Variants in TMEM163 observed in about 807,000 individuals in gnomAD.
TMEM163 encodes transmembrane protein 163.
TMEM163 carries 17 observed loss-of-function variants against 29.3 expected under a neutral mutation model. The ratio of observed to expected loss-of-function variants is 0.58; its 90% CI spans 0.40 to 0.87. The LOEUF (loss-of-function observed/expected upper bound fraction) is 0.87, where lower values mean the gene tolerates loss of function less well. Among genes scored for constraint, TMEM163 ranks in the 40% least tolerant of loss-of-function variants. The probability of loss-of-function intolerance (pLI) is 0.00; values close to 1 mark genes in which losing one functional copy is unlikely to be tolerated. For missense variants in TMEM163, 303 were observed against 381.5 expected (o/e 0.79, Z 1.71); for synonymous variants, 157 against 160.6 (o/e 0.98, Z 0.17).
intron 5 of TMEM163, among the ~76,000 whole-genome samples, chr2:134,483,823 T>C (rs1679256981): frequency 1.3e-5 from 2 of 152,146 alleles, no homozygotes; most frequent in Non-Finnish European, 2.9e-5. Flanking sequence ...AAATGGTAGA[T>C]CAGAGAAAAC....
At chr2:134,612,771 C>A (rs1471813070) in intron 2 of TMEM163, among the ~76,000 whole-genome samples, 1 of 152,150 alleles carries the variant, frequency 6.6e-6, no homozygotes, top group Non-Finnish European at 1.5e-5. Flanking sequence ...TCAGCAACAA[C>A]AACAAATCTT....
At chr2:134,587,075 A>G (rs1009050104) in intron 2 of TMEM163, among the ~76,000 whole-genome samples, 2 of 151,670 alleles carry the variant, frequency 1.3e-5, no homozygotes, top group Non-Finnish European at 2.9e-5. Context: ...CCTGAAAAAA[A>G]AATGGCTTAA....
At chr2:134,716,216 G>C (rs1281949951) in intron 1 of TMEM163, among the ~76,000 whole-genome samples, 2 of 152,150 alleles carry the variant, frequency 1.3e-5, no homozygotes, top group Non-Finnish European at 2.9e-5. Flanking sequence ...GTATTCAAAG[G>C]GGATGGGAAG....
intron 6 of TMEM163, chr2:134,458,685 C>T (rs1686457379): frequency 6.4e-6 from 1 of 156,506 alleles, no homozygotes; most frequent in African/African-American, 2.4e-5. Context: ...GATGAGAAAA[C>T]TAAGAATGAG....
At chr2:134,526,620 G>A (rs1680305570) in intron 4 of TMEM163, among the ~76,000 whole-genome samples, 1 of 152,162 alleles carries the variant, frequency 6.6e-6, no homozygotes, top group African/African-American at 2.4e-5. Context: ...AATCAACTAT[G>A]TGAAACTGAG....
In TMEM163 at chr2:134,613,010, T is replaced by C. The variant is rs545132328; in HGVS notation, c.323-60919A>G. Among the ~76,000 whole-genome samples, 3 of 152,288 alleles carry C rather than the reference T, an allele frequency of 2.0e-5. No individual in the cohort carries two copies. In the South Asian group the frequency reaches 6.2e-4, roughly 32 times the overall value. ...TGTCAAAGAACTAAAGGAAACCATG[T>C]CTTTAAAAATATCACAACAATGTCT... On this transcript the variant is annotated intron_variant, in intron 2 of 7. Coordinates refer to ENST00000281924, the MANE Select transcript of TMEM163 (RefSeq NM_030923.5).
At chr2:134,496,324 A>T (rs374264885) in intron 5 of TMEM163, among the ~76,000 whole-genome samples, 1 of 152,184 alleles carries the variant, frequency 6.6e-6, no homozygotes, top group Admixed American at 6.5e-5. Context: ...GGCCTCCCAA[A>T]GTGCTGGGAT....
At chr2:134,505,239 C>CTTTT (rs78772358) in intron 4 of TMEM163, among the ~76,000 whole-genome samples, 4 of 130,214 alleles carry the variant, frequency 3.1e-5, no homozygotes, top group South Asian at 2.5e-4. Context: ...TGGGGAATTC[C>CTTTT]TTTTTTTTTT....
At chr2:134,553,482 T>C (rs925220780) in intron 2 of TMEM163, among the ~76,000 whole-genome samples, 12 of 152,194 alleles carry the variant, frequency 7.9e-5, no homozygotes, top group Non-Finnish European at 1.5e-4. Flanking sequence ...TTGTAAATGC[T>C]GGAGTTGCCA....
At chr2:134,609,039 C>T (rs1266674395) in intron 2 of TMEM163, among the ~76,000 whole-genome samples, 8 of 101,756 alleles carry the variant, frequency 7.9e-5, no homozygotes, top group Admixed American at 1.8e-4. Context: ...GGACAGACCC[C>T]GAGAACTGTA....
intron 5 of TMEM163, among the ~76,000 whole-genome samples, chr2:134,477,246 A>G (rs1038220987): frequency 6.6e-6 from 1 of 152,202 alleles, no homozygotes; most frequent in Admixed American, 6.5e-5. Context: ...TTCTAGGGAG[A>G]TAGACATAAA....
At chr2:134,600,642 A>AG (rs1290151153) in intron 2 of TMEM163, among the ~76,000 whole-genome samples, 2 of 152,150 alleles carry the variant, frequency 1.3e-5, no homozygotes, top group Admixed American at 6.5e-5. Context: ...TGGGGTCATT[A>AG]GGGGGAATAG....
At chr2:134,642,042 T>G (rs1683233192) in intron 2 of TMEM163, among the ~76,000 whole-genome samples, 1 of 151,834 alleles carries the variant, frequency 6.6e-6, no homozygotes, top group Non-Finnish European at 1.5e-5. Flanking sequence ...ACATACTAAA[T>G]GTATATTTAC....
At chr2:134,459,066 G>A (rs1485505648) in intron 6 of TMEM163, 4 of 152,410 alleles carry the variant, frequency 2.6e-5, no homozygotes, top group Non-Finnish European at 5.9e-5. Context: ...CTCCTCCCCT[G>A]CCCCAACACA....
chr2:134,622,825 C>A (rs1177184511), intron 2 of TMEM163, among the ~76,000 whole-genome samples: 1 of 152,018 alleles, frequency 6.6e-6, no homozygotes, highest in Non-Finnish European at 1.5e-5. Flanking sequence ...TGGAGTGACA[C>A]GATCTCGGCT....
chr2:134,550,427 A>G (rs1680888584), intron 4 of TMEM163, 143 bp downstream of exon 4: 1 of 678,514 alleles, frequency 1.5e-6, no homozygotes, highest in African/African-American at 1.8e-5. Context: ...CTGGCATTGC[A>G]CTAGTCACTC....
At chr2:134,680,912 G>A (rs1684216790) in intron 2 of TMEM163, among the ~76,000 whole-genome samples, 1 of 152,174 alleles carries the variant, frequency 6.6e-6, no homozygotes, top group Non-Finnish European at 1.5e-5. Context: ...CACATGAAGA[G>A]CTTAGTTTGC....
chr2:134,456,839 G>A lies in TMEM163; in HGVS notation c.810-63C>T, dbSNP rs895549541. On this transcript the variant is annotated intron_variant, in intron 7 of 7. Transcript: ENST00000281924. ...ATGGGGCTGAAGAGCTTGGGGAAGC[G>A]TATTTTCATTTTTTTTTTCCTGAGA... is the stretch of plus-strand genomic sequence containing the variant. 1.6e-5 allele frequency: 24 copies of A among 1,526,982 alleles called. No homozygotes were observed. In the Middle Eastern group the frequency reaches 5.1e-4, roughly 33 times the overall value. 94.6% of individuals were successfully genotyped at this position (1,526,982 alleles called of 1,614,324 possible).
intron 2 of TMEM163, among the ~76,000 whole-genome samples, chr2:134,614,806 A>G (rs1682572754): frequency 6.6e-6 from 1 of 152,150 alleles, no homozygotes; most frequent in Non-Finnish European, 1.5e-5. Flanking sequence ...GTGAACTGAG[A>G]TCACACCACT....
Sources: allele counts gnomAD v4.1 joint callset (sites outside exome capture counted in the v4.1 genomes callset), GRCh38; gene constraint gnomAD v4.1.1; transcripts MANE v1.5; gene names NCBI Gene and HGNC (gene_info 2026-07-23, HGNC 2026-07-21).